The following ADCY2 variants were observed in gnomAD, a reference collection of about 807,000 sequenced individuals.
The protein encoded by ADCY2 is adenylate cyclase type 2.
Under a neutral mutation model 125.2 loss-of-function variants are expected in ADCY2, and 31 were observed. The ratio of observed to expected loss-of-function variants is 0.25; its 90% CI spans 0.19 to 0.33. The LOEUF (loss-of-function observed/expected upper bound fraction) is 0.33, where lower values mean the gene tolerates loss of function less well. ADCY2 is among the 10% of genes least tolerant of loss of function. The pLI is 1.00. For synonymous variants in ADCY2, 512 were observed against 548.4 expected (o/e 0.93, Z 0.93); for missense variants, 904 against 1,418.2 (o/e 0.64, Z 5.82).
intron 2 of ADCY2, among the ~76,000 whole-genome samples, chr5:7,440,444 T>C (rs1740970479): frequency 6.6e-6 from 1 of 152,220 alleles, no homozygotes; most frequent in Non-Finnish European, 1.5e-5. Flanking sequence ...AATCTTTTCA[T>C]TTTGCGTTTC....
chr5:7,575,342 A>G (rs910759527), intron 3 of ADCY2, among the ~76,000 whole-genome samples: 2 of 152,188 alleles, frequency 1.3e-5, no homozygotes, highest in African/African-American at 2.4e-5. Flanking sequence ...AAAAAAACAC[A>G]AAACTGTTTT....
At chr5:7,571,335 G>A (rs1314969816) in intron 3 of ADCY2, among the ~76,000 whole-genome samples, 2 of 152,134 alleles carry the variant, frequency 1.3e-5, no homozygotes, top group Non-Finnish European at 2.9e-5. Context: ...CCAAAAGCCT[G>A]AGAAGGAAGA....
intron 3 of ADCY2, among the ~76,000 whole-genome samples, chr5:7,532,481 C>T (rs1313980179): frequency 6.6e-6 from 1 of 152,116 alleles, no homozygotes; most frequent in African/African-American, 2.4e-5. Context: ...CTTGTTCCTC[C>T]AGGAAGAAAA....
chr5:7,593,013 G>A (rs1736898882), intron 3 of ADCY2, among the ~76,000 whole-genome samples: 1 of 152,120 alleles, frequency 6.6e-6, no homozygotes, highest in Non-Finnish European at 1.5e-5. Context: ...ACGTTTTATA[G>A]GTAGATATTT....
chr5:7,762,318 A>G (rs1256107694), intron 16 of ADCY2, among the ~76,000 whole-genome samples: 2 of 152,242 alleles, frequency 1.3e-5, no homozygotes, highest in Non-Finnish European at 1.5e-5. Flanking sequence ...AGCCTTGTTT[A>G]TAATGTCTTA....
intron 10 of ADCY2, among the ~76,000 whole-genome samples, chr5:7,710,995 T>G (rs1469037556): frequency 3.3e-5 from 5 of 152,106 alleles, no homozygotes; most frequent in Admixed American, 3.3e-4. Context: ...AGATGACAAA[T>G]ACAAGGGGGA....
chr5:7,417,509 A>G (rs1006036062), intron 2 of ADCY2, among the ~76,000 whole-genome samples: 2 of 152,198 alleles, frequency 1.3e-5, no homozygotes, highest in African/African-American at 4.8e-5. Flanking sequence ...ACAGAGTGTA[A>G]GTGGCATCAG....
In ADCY2 at chr5:7,410,113, A is replaced by G. The variant is rs944561062; in HGVS notation, c.211-4460A>G. On this transcript the variant is annotated intron_variant, in intron 1 of 24. Transcript: ENST00000338316. ...GACATACCAAACACCCAGAAGCCAC[A>G]CCAAATCTGGATGACTGCATGTGAA... Among the ~76,000 whole-genome samples, 122 of 152,202 alleles carry G rather than the reference A, an allele frequency of 8.0e-4. 9 individuals are homozygous for G. Among genetic ancestry groups the G allele is most frequent in the Non-Finnish European group, 3.5e-4 (24 of 68,042 alleles).
chr5:7,740,072 A>G (rs1367028181), intron 14 of ADCY2, among the ~76,000 whole-genome samples: 3 of 150,154 alleles, frequency 2.0e-5, no homozygotes, highest in Non-Finnish European at 4.5e-5. Flanking sequence ...AGGCTAAAAG[A>G]TTGGGGCTAC....
rs550973047 is a variant in ADCY2, at chr5:7,403,019, CA to C, written c.210+6514del. Among the ~76,000 whole-genome samples the C allele has an allele frequency of 1.7e-3, 259 of 152,254 alleles. 1 individual carries two copies. The highest frequency in any genetic ancestry group is 6.0e-3 in the African/African-American group (250 of 41,546). On this transcript the variant is annotated intron_variant, in intron 1 of 24. Coordinates refer to ENST00000338316, the MANE Select transcript of ADCY2 (RefSeq NM_020546.3). ...TATATCAATGTCCTTTGCTGTCTCTCAGACATGATGCTGGGGTATTGCAGCT... is the reference window on the plus strand; with the variant it reads ...TATATCAATGTCCTTTGCTGTCTCTCGACATGATGCTGGGGTATTGCAGCT...
chr5:7,413,672 T>C (rs17207914), intron 1 of ADCY2, among the ~76,000 whole-genome samples: 7,123 of 151,810 alleles, frequency 0.047, 201 homozygotes, highest in South Asian at 0.1. Flanking sequence ...TTAAAGACCT[T>C]ACACTGTATT....
At chr5:7,702,827 AG>A (rs1396181919) in intron 7 of ADCY2, among the ~76,000 whole-genome samples, 1 of 152,240 alleles carries the variant, frequency 6.6e-6, no homozygotes, top group Non-Finnish European at 1.5e-5. Flanking sequence ...TGGTTGAACT[AG>A]TTTACAGTCC....
chr5:7,717,867 C>T (rs1741639961), intron 12 of ADCY2, among the ~76,000 whole-genome samples: 1 of 152,162 alleles, frequency 6.6e-6, no homozygotes, highest in African/African-American at 2.4e-5. Flanking sequence ...TAACTGAACC[C>T]ATGCAGAGCA....
chr5:7,658,634 G>T (rs978235471), intron 4 of ADCY2, among the ~76,000 whole-genome samples: 1 of 152,092 alleles, frequency 6.6e-6, no homozygotes, highest in African/African-American at 2.4e-5. Context: ...ATCTAAGGAA[G>T]CAGAAGGATT....
At position 7,590,568 on chromosome 5, in the gene ADCY2, G is replaced by A. The variant is rs537063911; in HGVS notation, c.571-35599G>A. On this transcript the variant is annotated intron_variant, in intron 3 of 24. Coordinates refer to ENST00000338316, the MANE Select transcript of ADCY2 (RefSeq NM_020546.3). ...AAATAAGTGGTTCACTTGTGACCAT[G>A]TTAAAAAAAAAAAAGCAAGACTTTT... Among the ~76,000 whole-genome samples, 3 of 150,278 alleles carry A rather than the reference G, an allele frequency of 2.0e-5. No individual in the cohort carries two copies. The South Asian group carries it at 6.3e-4, about 32-fold the overall frequency.
intron 11 of ADCY2, among the ~76,000 whole-genome samples, chr5:7,714,677 C>A (rs560744381): frequency 3.0e-4 from 45 of 152,198 alleles, no homozygotes; most frequent in Admixed American, 5.9e-4. Flanking sequence ...TTAGTAAAGG[C>A]CTCTTCCATA....
intron 2 of ADCY2, among the ~76,000 whole-genome samples, chr5:7,417,506 G>GT (rs1156725523): frequency 5.3e-5 from 8 of 152,186 alleles, no homozygotes; most frequent in Non-Finnish European, 1.0e-4. Flanking sequence ...AGGACAGAGT[G>GT]TAAGTGGCAT....
At position 7,429,565 on chromosome 5, in the gene ADCY2, C is replaced by A. The variant is rs143862199; in HGVS notation, c.408+14795C>A. Reference sequence around the variant, plus strand: ...GGGTTGTTATGATACAAAGTATGTGCTTTGGGCATAATGGACTTAAATTAC... The same window carrying A: ...GGGTTGTTATGATACAAAGTATGTGATTTGGGCATAATGGACTTAAATTAC... On this transcript the variant is annotated intron_variant, in intron 2 of 24. Transcript: ENST00000338316. Among the ~76,000 whole-genome samples the A allele has an allele frequency of 5.3e-5, 8 of 152,236 alleles. No individual in the cohort carries two copies. In the East Asian group the frequency reaches 1.5e-3, roughly 29 times the overall value.
intron 14 of ADCY2, among the ~76,000 whole-genome samples, chr5:7,738,279 C>G (rs1159101455): frequency 6.6e-6 from 1 of 151,612 alleles, no homozygotes; most frequent in Non-Finnish European, 1.5e-5. Context: ...ATATTAATGC[C>G]AAATAACTAA....
Sources: allele counts gnomAD v4.1 joint callset (sites outside exome capture counted in the v4.1 genomes callset), GRCh38; gene constraint gnomAD v4.1.1; transcripts MANE v1.5; gene names NCBI Gene and HGNC (gene_info 2026-07-23, HGNC 2026-07-21).